The following SLC35F3 variants were observed in gnomAD, a reference collection of about 807,000 sequenced individuals.
SLC35F3 encodes solute carrier family 35 member F3, also known as putative thiamine transporter SLC35F3.
In SLC35F3, 25 loss-of-function variants were observed where a neutral mutation model predicts 49.9. That is an observed-to-expected ratio of 0.50 (90% CI 0.37 to 0.70). The LOEUF is 0.70. SLC35F3 is among the 30% of genes least tolerant of loss of function. The pLI, the probability that SLC35F3 is intolerant of heterozygous loss-of-function variation, is 0.00. For missense variants in SLC35F3, 525 were observed against 639.8 expected (o/e 0.82, Z 1.94); for synonymous variants, 275 against 265.4 (o/e 1.04, Z -0.35).
At position 233,938,766 on chromosome 1, in the gene SLC35F3, AT is replaced by A. The variant is rs147237611; in HGVS notation, c.283+33009del. ...GATGGATGGAAAGATGGGTGGATGG[AT>A]AGACACAGAGGAACTAGTCTAGGGA... is the stretch of plus-strand genomic sequence containing the variant. On this transcript the variant is annotated intron_variant, in intron 2 of 7. Coordinates refer to ENST00000366618, the MANE Select transcript of SLC35F3 (RefSeq NM_173508.4). Among the ~76,000 whole-genome samples the A allele has an allele frequency of 8.4e-3, 1,277 of 152,222 alleles. 14 individuals are homozygous for A. Among genetic ancestry groups the A allele is most frequent in the African/African-American group, 0.029 (1,190 of 41,532 alleles).
At chr1:233,970,984 G>A (rs368477508) in intron 2 of SLC35F3, among the ~76,000 whole-genome samples, 14 of 152,318 alleles carry the variant, frequency 9.2e-5, no homozygotes, top group African/African-American at 2.9e-4. Flanking sequence ...TGAATGAGAA[G>A]AATTGTTTTG....
chr1:234,275,286 C>T (rs76046788), intron 3 of SLC35F3, among the ~76,000 whole-genome samples: 8,060 of 151,658 alleles, frequency 0.053, 250 homozygotes, highest in African/African-American at 0.083. Context: ...ACTTGGGTTC[C>T]GTCCCCTGAG....
At chr1:233,969,607 C>A (rs1451544107) in intron 2 of SLC35F3, among the ~76,000 whole-genome samples, 2 of 152,202 alleles carry the variant, frequency 1.3e-5, no homozygotes, top group Non-Finnish European at 2.9e-5. Context: ...ACATAAAAGT[C>A]ACAAGTAATT....
At chr1:234,123,404 ATGTTT>A (rs113319643) in intron 2 of SLC35F3, among the ~76,000 whole-genome samples, 4 of 151,978 alleles carry the variant, frequency 2.6e-5, no homozygotes, top group Admixed American at 6.6e-5. Context: ...AGTGTTAAGC[ATGTTT>A]TGTTTTGTTT....
intron 3 of SLC35F3, among the ~76,000 whole-genome samples, chr1:234,259,465 T>G (rs1461021365): frequency 6.6e-6 from 1 of 152,128 alleles, no homozygotes; most frequent in East Asian, 1.9e-4. Flanking sequence ...AGATGCAGCC[T>G]GAGGGGTCCT....
intron 2 of SLC35F3, among the ~76,000 whole-genome samples, chr1:234,159,149 A>C (rs1047686459): frequency 1.3e-5 from 2 of 152,158 alleles, no homozygotes; most frequent in Non-Finnish European, 2.9e-5. Flanking sequence ...TTTGTGGAAG[A>C]TGTGCAACAT....
chr1:234,183,611 G>T (rs1359532263), intron 2 of SLC35F3, among the ~76,000 whole-genome samples: 1 of 142,598 alleles, frequency 7.0e-6, no homozygotes, highest in South Asian at 2.5e-4. Flanking sequence ...ATACTGTGTC[G>T]CTGGCCTGGT....
chr1:234,309,337 C>T lies in SLC35F3; in HGVS notation c.828+17C>T, dbSNP rs1657292211. On this transcript the variant is annotated intron_variant, in intron 4 of 7. Coordinates refer to ENST00000366618, the MANE Select transcript of SLC35F3 (RefSeq NM_173508.4). ...GGAGTGAGGGTAAGTTCCTTATTAT[C>T]TGTCTTCCTCCCTCACTCAGTCATG... 6.2e-7 allele frequency: 1 copy of T among 1,609,446 alleles called. No homozygotes were observed. The highest frequency in any genetic ancestry group is 8.5e-7 in the Non-Finnish European group (1 of 1,176,178).
intron 3 of SLC35F3, among the ~76,000 whole-genome samples, chr1:234,268,009 G>T (rs866101185): frequency 1.3e-5 from 2 of 151,040 alleles, no homozygotes; most frequent in Non-Finnish European, 2.9e-5. Flanking sequence ...CATCCCAGAC[G>T]ATGGGCGGCC....
At chr1:233,975,635 C>T (rs187729408) in intron 2 of SLC35F3, among the ~76,000 whole-genome samples, 3 of 152,288 alleles carry the variant, frequency 2.0e-5, no homozygotes, top group Non-Finnish European at 2.9e-5. Context: ...GGGAGAGGGG[C>T]GCTGCTGTGG....
rs529327266 is a variant in SLC35F3 at position 234,182,538 on chromosome 1, T to C, written c.284-48879T>C. Among the ~76,000 whole-genome samples, 45 of 152,362 alleles carry C rather than the reference T, an allele frequency of 3.0e-4. No individual in the cohort carries two copies. In the South Asian group the frequency reaches 8.3e-3, roughly 28 times the overall value. The stretch of plus-strand genomic sequence containing the variant: ...GGGTATTTGTGCTGCATGTAATACA[T>C]ATCCTGTGCATACATCTTTGGGTAT... On this transcript the variant is annotated intron_variant, in intron 2 of 7. Transcript: ENST00000366618.
intron 2 of SLC35F3, among the ~76,000 whole-genome samples, chr1:234,105,195 C>T (rs1665267433): frequency 6.6e-6 from 1 of 151,258 alleles, no homozygotes; most frequent in African/African-American, 2.4e-5. Flanking sequence ...AGAGATTGTG[C>T]TTCAGTTCCC....
rs1163309062 is a variant in SLC35F3, at chr1:234,117,910, ATATGTG to A, written c.284-113505_284-113500del. On this transcript the variant is annotated intron_variant, in intron 2 of 7. Coordinates refer to ENST00000366618, the MANE Select transcript of SLC35F3 (RefSeq NM_173508.4). ...CAAAAAAGAAAAAAAAAAAGACTATATATGTGTGTGTGTGTGTGTGTGTGTGTGTGT... is the reference window on the plus strand; with the variant it reads ...CAAAAAAGAAAAAAAAAAAGACTATATGTGTGTGTGTGTGTGTGTGTGTGT... 5.6e-4 allele frequency among the ~76,000 whole-genome samples: 45 copies of A among 79,730 alleles called. 1 individual carries two copies. Among genetic ancestry groups the A allele is most frequent in the African/African-American group, 1.7e-3 (40 of 23,112 alleles). 52.3% of individuals were successfully genotyped at this position (79,730 alleles called of 152,430 possible).
intron 2 of SLC35F3, among the ~76,000 whole-genome samples, chr1:234,198,841 C>T (rs535087110): frequency 6.6e-6 from 1 of 152,028 alleles, no homozygotes; most frequent in African/African-American, 2.4e-5. Flanking sequence ...CCCTGAATAG[C>T]CAAAGATATC....
chr1:234,277,470 A>G (rs1668230757), intron 3 of SLC35F3, among the ~76,000 whole-genome samples: 1 of 152,236 alleles, frequency 6.6e-6, no homozygotes, highest in Non-Finnish European at 1.5e-5. Context: ...CCATCTCAGC[A>G]CGACTCAAAG....
intron 2 of SLC35F3, among the ~76,000 whole-genome samples, chr1:233,926,962 C>T (rs2358107): frequency 0.029 from 4,419 of 152,214 alleles, 194 homozygotes; most frequent in African/African-American, 0.1. Flanking sequence ...GTATCACCAG[C>T]GGAGGCTGCA....
chr1:234,128,380 C>T (rs1053085132), intron 2 of SLC35F3, among the ~76,000 whole-genome samples: 4 of 152,180 alleles, frequency 2.6e-5, no homozygotes, highest in African/African-American at 9.7e-5. Flanking sequence ...ATGAGCTCTT[C>T]AGGGTGAGGC....
chr1:234,119,506 G>A lies in SLC35F3; in HGVS notation c.284-111911G>A, dbSNP rs530783354. 5.3e-5 allele frequency among the ~76,000 whole-genome samples: 8 copies of A among 152,074 alleles called. 1 individual carries two copies. The South Asian group carries it at 8.3e-4, about 16-fold the overall frequency. On this transcript the variant is annotated intron_variant, in intron 2 of 7. Transcript: ENST00000366618. ...TGGATAGACATTTCCCATTCATAAC[G>A]GTAGCATCACAAAAGCTTCCAATGC...
intron 2 of SLC35F3, among the ~76,000 whole-genome samples, chr1:233,945,306 G>T (rs1328195235): frequency 6.6e-6 from 1 of 152,118 alleles, no homozygotes; most frequent in Non-Finnish European, 1.5e-5. Context: ...GAAGTCCCCA[G>T]TATGCCTCCA....
Sources: allele counts gnomAD v4.1 joint callset (sites outside exome capture counted in the v4.1 genomes callset), GRCh38; gene constraint gnomAD v4.1.1; transcripts MANE v1.5; gene names NCBI Gene and HGNC (gene_info 2026-07-23, HGNC 2026-07-21).